Variants in PABPC4L observed in about 807,000 individuals in gnomAD.
PABPC4L encodes the protein poly(A) binding protein cytoplasmic 4 like, also known as polyadenylate-binding protein 4-like.
For missense variants in PABPC4L, 452 were observed against 451.4 expected (o/e 1.00, Z -0.01); for synonymous variants, 169 against 164.1 (o/e 1.03, Z -0.23).
the PABPC4L span, among the ~76,000 whole-genome samples, chr4:133,990,525 A>C: frequency 1.3e-5 from 2 of 152,158 alleles, no homozygotes; most frequent in African/African-American, 4.8e-5. Flanking sequence ...CAGATGAAAG[A>C]AGTATGCTGA....
chr4:134,046,984 CA>C, the PABPC4L span, among the ~76,000 whole-genome samples: 2 of 152,104 alleles, frequency 1.3e-5, no homozygotes, highest in East Asian at 3.9e-4. Flanking sequence ...CTTTTCCCTA[CA>C]AAAAACAAAC....
At chr4:133,986,758 G>A in the PABPC4L span, among the ~76,000 whole-genome samples, 2 of 148,052 alleles carry the variant, frequency 1.4e-5, no homozygotes, top group Admixed American at 6.8e-5. Context: ...TTTTTTGAGA[G>A]GGAGTCTTAC....
chr4:133,960,948 G>A, the PABPC4L span, among the ~76,000 whole-genome samples: 5 of 151,952 alleles, frequency 3.3e-5, no homozygotes, highest in East Asian at 3.9e-4. Context: ...ACACATAGCC[G>A]TGCCCTGACC....
chr4:134,144,930 T>G, the PABPC4L span, among the ~76,000 whole-genome samples: 1 of 151,836 alleles, frequency 6.6e-6, no homozygotes, highest in Admixed American at 6.6e-5. Flanking sequence ...TTCATCCATC[T>G]AATTAAAACT....
chr4:133,956,953 A>G, the PABPC4L span, among the ~76,000 whole-genome samples: 1 of 152,290 alleles, frequency 6.6e-6, no homozygotes, highest in African/African-American at 2.4e-5. Context: ...TCAATGACAC[A>G]TGGGGATTAT....
chr4:134,093,211 TA>T, the PABPC4L span, among the ~76,000 whole-genome samples: 1 of 151,754 alleles, frequency 6.6e-6, no homozygotes, highest in Non-Finnish European at 1.5e-5. Flanking sequence ...CATTTATTAT[TA>T]TTTCCTTCTT....
the PABPC4L span, among the ~76,000 whole-genome samples, chr4:134,138,134 TA>T: frequency 1.3e-5 from 2 of 151,614 alleles, no homozygotes; most frequent in Admixed American, 6.6e-5. Flanking sequence ...TCTGCATCTT[TA>T]AAAAAAATCA....
At chr4:134,056,304 G>A in the PABPC4L span, among the ~76,000 whole-genome samples, 2 of 151,738 alleles carry the variant, frequency 1.3e-5, no homozygotes, top group African/African-American at 4.8e-5. Context: ...TTTCAAAATT[G>A]TTTTAGTAAT....
At chr4:134,065,652 T>G in the PABPC4L span, among the ~76,000 whole-genome samples, 1 of 152,148 alleles carries the variant, frequency 6.6e-6, no homozygotes, top group Admixed American at 6.6e-5. Context: ...TTTATTTTTT[T>G]CGCAGTTGTT....
chr4:134,172,995 A>G, the PABPC4L span, among the ~76,000 whole-genome samples: 4 of 151,756 alleles, frequency 2.6e-5, no homozygotes, highest in Non-Finnish European at 4.4e-5. Flanking sequence ...AGATGCATAT[A>G]AAAACTACAA....
At chr4:134,056,889 T>G in the PABPC4L span, among the ~76,000 whole-genome samples, 1 of 151,996 alleles carries the variant, frequency 6.6e-6, no homozygotes, top group African/African-American at 2.4e-5. Context: ...TTTCTTCCAT[T>G]ATTGCACTGG....
chr4:133,983,526 GA>G, the PABPC4L span, among the ~76,000 whole-genome samples: 1 of 151,808 alleles, frequency 6.6e-6, no homozygotes, highest in Non-Finnish European at 1.5e-5. Context: ...ATTAATATTT[GA>G]TAATTAAATG....
the PABPC4L span, among the ~76,000 whole-genome samples, chr4:134,037,524 A>G: frequency 6.6e-6 from 1 of 152,202 alleles, no homozygotes; most frequent in Non-Finnish European, 1.5e-5. Context: ...TCTCTGAAAT[A>G]GATGATACTC....
At chr4:134,092,171 G>A in the PABPC4L span, among the ~76,000 whole-genome samples, 1 of 151,910 alleles carries the variant, frequency 6.6e-6, no homozygotes, top group Non-Finnish European at 1.5e-5. Context: ...AGCCCTAAAT[G>A]AGAACTCCAC....
At chr4:134,101,695 C>G in the PABPC4L span, among the ~76,000 whole-genome samples, 3 of 151,404 alleles carry the variant, frequency 2.0e-5, no homozygotes, top group South Asian at 4.1e-4. Flanking sequence ...TAGCCTCTTT[C>G]GTGACACCTT....
chr4:134,058,221 TG>T, the PABPC4L span, among the ~76,000 whole-genome samples: 2 of 152,114 alleles, frequency 1.3e-5, no homozygotes, highest in East Asian at 3.9e-4. Context: ...TATAGAATTT[TG>T]AAGATAAAAC....
At chr4:134,112,363 A>G in the PABPC4L span, among the ~76,000 whole-genome samples, 1 of 151,926 alleles carries the variant, frequency 6.6e-6, no homozygotes, top group African/African-American at 2.4e-5. Flanking sequence ...TATTTTACGG[A>G]TGATTTTATC....
At chr4:133,954,801 T>A in the PABPC4L span, among the ~76,000 whole-genome samples, 1 of 152,156 alleles carries the variant, frequency 6.6e-6, no homozygotes, top group Non-Finnish European at 1.5e-5. Flanking sequence ...AACTTTAGGA[T>A]AGGTTTTAAC....
At chr4:133,954,992 C>T in the PABPC4L span, among the ~76,000 whole-genome samples, 20 of 152,064 alleles carry the variant, frequency 1.3e-4, no homozygotes, top group East Asian at 1.7e-3. Context: ...TTCCTATGCC[C>T]AACAATGCAC....
Sources: gnomAD v4.1 joint callset for allele counts (sites outside exome capture counted in the v4.1 genomes callset) on GRCh38, gnomAD v4.1.1 for gene constraint, MANE v1.5 for transcripts, NCBI Gene and HGNC (gene_info 2026-07-23, HGNC 2026-07-21) for gene names.